AGBL4: variants seen among roughly 807,000 people sequenced by gnomAD.
The protein encoded by AGBL4 is AGBL carboxypeptidase 4.
Under a neutral mutation model 66.4 loss-of-function variants are expected in AGBL4, and 58 were observed. The ratio of observed to expected loss-of-function variants is 0.87; its 90% CI spans 0.71 to 1.09. The LOEUF (loss-of-function observed/expected upper bound fraction) is 1.09. Ranked by LOEUF, AGBL4 falls within the 50% of genes least tolerant of loss-of-function variation. The probability of loss-of-function intolerance (pLI) is 0.00; values close to 1 mark genes in which losing one functional copy is unlikely to be tolerated. For missense variants in AGBL4, 579 were observed against 631.0 expected (o/e 0.92, Z 0.88); for synonymous variants, 234 against 222.9 (o/e 1.05, Z -0.44).
At chr1:48,841,569 C>T (rs547034108) in intron 6 of AGBL4, among the ~76,000 whole-genome samples, 1 of 152,008 alleles carries the variant, frequency 6.6e-6, no homozygotes, top group Non-Finnish European at 1.5e-5. Context: ...TCCAACCCCC[C>T]ACCTTATTTT....
At chr1:49,997,668 G>T (rs1307334449) in intron 1 of AGBL4, among the ~76,000 whole-genome samples, 1 of 151,948 alleles carries the variant, frequency 6.6e-6, no homozygotes, top group African/African-American at 2.4e-5. Context: ...AGTCAACAAA[G>T]AAACAATGGA....
In AGBL4 at chr1:49,045,614, G is replaced by T. The variant is rs775040866; in HGVS notation, c.564C>A (p.Tyr188Ter). 1.0e-5 allele frequency: 16 copies of T among 1,603,858 alleles called. No individual in the cohort carries two copies. The highest frequency in any genetic ancestry group is 1.2e-5 in the Non-Finnish European group (14 of 1,174,984). The change falls in exon 5 of 14, where the codon TAC (tyrosine) becomes TAA (stop). Residue 188 changes from tyrosine (Y) to a stop codon, truncating the protein, a stop_gained. Coordinates refer to ENST00000371839, the MANE Select transcript of AGBL4 (RefSeq NM_032785.4). LOFTEE classifies it high-confidence loss of function. ...TCTGGCCCAGCTGCTCCCGAAAGAA[G>T]TAATCCATGTTTCTCTTTTGCAGGC... ...LDSLQKRNMD[Y>*]FFREQLGQSV...
chr1:49,845,757 C>T (rs1352301902), intron 2 of AGBL4: 18 of 1,583,464 alleles, frequency 1.1e-5, no homozygotes, highest in African/African-American at 8.1e-5. Flanking sequence ...ATGGATGCAA[C>T]GAGTGTGGGA....
chr1:50,014,411 G>A (rs1210371731), intron 1 of AGBL4, among the ~76,000 whole-genome samples: 1 of 151,678 alleles, frequency 6.6e-6, no homozygotes, highest in Non-Finnish European at 1.5e-5. Flanking sequence ...AACAATTTAG[G>A]GGCCAGCATT....
intron 6 of AGBL4, among the ~76,000 whole-genome samples, chr1:48,682,056 GA>G (rs1195418470): frequency 1.3e-5 from 2 of 152,234 alleles, no homozygotes; most frequent in Non-Finnish European, 2.9e-5. Context: ...GTCCTTGTAA[GA>G]AAAGGAGATT....
chr1:49,631,115 C>T (rs549180357), intron 3 of AGBL4, among the ~76,000 whole-genome samples: 3 of 152,306 alleles, frequency 2.0e-5, no homozygotes, highest in East Asian at 3.9e-4. Context: ...GAGGGATCTG[C>T]AGAGCCCAAA....
At chr1:48,776,886 G>C in intron 6 of AGBL4, 1 of 1,245,824 alleles carries the variant, frequency 8.0e-7, no homozygotes, top group Non-Finnish European at 1.1e-6. Flanking sequence ...GGGCGGGCGC[G>C]GAGGTGGGGA....
At chr1:48,946,545 G>A (rs1656527058) in intron 5 of AGBL4, among the ~76,000 whole-genome samples, 1 of 152,098 alleles carries the variant, frequency 6.6e-6, no homozygotes, top group African/African-American at 2.4e-5. Flanking sequence ...ATTGGAAAAT[G>A]GGTGGCTGAG....
intron 1 of AGBL4, among the ~76,000 whole-genome samples, chr1:49,882,470 A>T (rs1240158374): frequency 6.6e-6 from 1 of 151,454 alleles, no homozygotes; most frequent in Non-Finnish European, 1.5e-5. Context: ...TCTGTAAATT[A>T]CCTTGGGCAG....
intron 4 of AGBL4, among the ~76,000 whole-genome samples, chr1:49,212,031 A>G (rs1648709860): frequency 6.6e-6 from 1 of 152,028 alleles, no homozygotes; most frequent in African/African-American, 2.4e-5. Context: ...GATTTTACAG[A>G]TGGTGAAACT....
intron 4 of AGBL4, among the ~76,000 whole-genome samples, chr1:49,078,766 C>A (rs1463956954): frequency 1.3e-5 from 2 of 152,132 alleles, no homozygotes; most frequent in South Asian, 2.1e-4. Context: ...TCTTTATTGA[C>A]CTTTTGTCTT....
At chr1:50,020,710 T>C (rs757953120) in intron 1 of AGBL4, among the ~76,000 whole-genome samples, 4 of 152,204 alleles carry the variant, frequency 2.6e-5, no homozygotes, top group Non-Finnish European at 5.9e-5. Flanking sequence ...AATTAAGTTG[T>C]CAACTTCTCC....
chr1:48,684,190 G>A (rs1646496196), intron 6 of AGBL4, among the ~76,000 whole-genome samples: 7 of 152,220 alleles, frequency 4.6e-5, no homozygotes, highest in African/African-American at 2.4e-5. Context: ...TCTGTGCTGA[G>A]CATCACAAAG....
intron 5 of AGBL4, among the ~76,000 whole-genome samples, chr1:48,867,802 A>G (rs527401793): frequency 6.6e-6 from 1 of 152,274 alleles, no homozygotes; most frequent in South Asian, 2.1e-4. Flanking sequence ...CTGAATCCTT[A>G]TCCTTTTTTA....
intron 6 of AGBL4, among the ~76,000 whole-genome samples, chr1:48,673,766 GA>G (rs1646315136): frequency 6.6e-6 from 1 of 152,230 alleles, no homozygotes; most frequent in Non-Finnish European, 1.5e-5. Context: ...GGTCAGTCAT[GA>G]GGGAGAAATA....
At chr1:49,819,768 G>A (rs1645320894) in intron 2 of AGBL4, among the ~76,000 whole-genome samples, 2 of 151,978 alleles carry the variant, frequency 1.3e-5, no homozygotes, top group Admixed American at 1.3e-4. Context: ...AGGTTTGCGT[G>A]GCAATAAAAA....
intron 3 of AGBL4, among the ~76,000 whole-genome samples, chr1:49,567,054 C>T (rs568765049): frequency 3.3e-5 from 5 of 152,288 alleles, no homozygotes; most frequent in Admixed American, 6.5e-5. Flanking sequence ...CTCAGACTGC[C>T]GTGCTAGCAA....
chr1:49,865,997 G>A, intron 1 of AGBL4: 1 of 322,690 alleles, frequency 3.1e-6, no homozygotes, highest in Non-Finnish European at 6.3e-6. Flanking sequence ...ACCAAGCTGA[G>A]GAAAGAATTT....
intron 3 of AGBL4, chr1:49,257,590 G>C (rs1201737297): frequency 6.5e-6 from 1 of 152,886 alleles, no homozygotes; most frequent in African/African-American, 2.4e-5. Context: ...CCTTGACCAG[G>C]AAAGGGAACT....
Sources: allele counts gnomAD v4.1 joint callset (sites outside exome capture counted in the v4.1 genomes callset), GRCh38; gene constraint gnomAD v4.1.1; transcripts MANE v1.5; gene names NCBI Gene and HGNC (gene_info 2026-07-23, HGNC 2026-07-21).